The following L3MBTL4 variants were observed in gnomAD, a reference collection of about 807,000 sequenced individuals.
L3MBTL4 encodes L3MBTL histone methyl-lysine binding protein 4.
In L3MBTL4, 70 loss-of-function variants were observed where a neutral mutation model predicts 84.5. The ratio of observed to expected loss-of-function variants is 0.83; its 90% CI spans 0.68 to 1.01. The LOEUF is 1.01. Among genes scored for constraint, L3MBTL4 ranks in the 50% least tolerant of loss-of-function variants. The probability of loss-of-function intolerance (pLI) is 0.00; values close to 1 mark genes in which losing one functional copy is unlikely to be tolerated. For missense variants in L3MBTL4, 715 were observed against 754.8 expected, an observed-to-expected ratio of 0.95 and a Z score of 0.62; for synonymous variants, 274 against 259.8, an observed-to-expected ratio of 1.05 and a Z score of -0.52.
intron 4 of L3MBTL4, among the ~76,000 whole-genome samples, chr18:6,275,898 G>A (rs1165590085): frequency 6.6e-6 from 1 of 152,148 alleles, no homozygotes; most frequent in Non-Finnish European, 1.5e-5. Flanking sequence ...GGTCAAGCTG[G>A]GAACTGCTTA....
intron 13 of L3MBTL4, among the ~76,000 whole-genome samples, chr18:6,164,385 A>T (rs534732255): frequency 6.6e-6 from 1 of 152,312 alleles, no homozygotes; most frequent in South Asian, 2.1e-4. Flanking sequence ...CTGCATCCTC[A>T]AGTGGGTCCC....
rs148122966 is a variant in L3MBTL4 at position 6,057,412 on chromosome 18, G to A, written c.1444+23469C>T. 5.7e-4 allele frequency among the ~76,000 whole-genome samples: 87 copies of A among 152,212 alleles called. No homozygotes were observed. The East Asian group carries it at 0.014, about 24-fold the overall frequency. On this transcript the variant is annotated intron_variant, in intron 16 of 18. Transcript: ENST00000317931. ...AATCTATCACCACTGGGGAAAATTG[G>A]TTTTTATTTTTTAATTATCTCTTTC...
At chr18:6,257,350 A>G (rs2048187606) in intron 5 of L3MBTL4, among the ~76,000 whole-genome samples, 1 of 152,086 alleles carries the variant, frequency 6.6e-6, no homozygotes, top group Admixed American at 6.6e-5. Context: ...CGAGAGACAA[A>G]ATACACCCAC....
At chr18:6,159,147 T>C (rs1211810957) in intron 13 of L3MBTL4, among the ~76,000 whole-genome samples, 1 of 152,194 alleles carries the variant, frequency 6.6e-6, no homozygotes, top group East Asian at 1.9e-4. Context: ...TCATGCAGCA[T>C]TGCTGATGCT....
chr18:6,324,391 A>T (rs146643944), intron 1 of L3MBTL4, among the ~76,000 whole-genome samples: 20 of 152,328 alleles, frequency 1.3e-4, no homozygotes, highest in African/African-American at 4.8e-4. Flanking sequence ...AGCTTGCACG[A>T]TGCTCCTGGA....
chr18:5,996,809 A>G (rs571696727), intron 16 of L3MBTL4, among the ~76,000 whole-genome samples: 1 of 152,336 alleles, frequency 6.6e-6, no homozygotes, highest in African/African-American at 2.4e-5. Context: ...TATAAGGGGC[A>G]GGACTTAAGC....
chr18:6,017,934 A>T (rs945316175), intron 16 of L3MBTL4: 8 of 152,160 alleles, frequency 5.3e-5, no homozygotes, highest in African/African-American at 1.7e-4. Context: ...ATTGTCTTGG[A>T]GTTGACTGGA....
intron 1 of L3MBTL4, among the ~76,000 whole-genome samples, chr18:6,411,775 C>A (rs2144760184): frequency 6.6e-6 from 1 of 152,290 alleles, no homozygotes; most frequent in East Asian, 1.9e-4. Flanking sequence ...TGGCTTTCCC[C>A]CGATCCAACA....
At chr18:6,023,560 C>T (rs189933263) in intron 16 of L3MBTL4, among the ~76,000 whole-genome samples, 2 of 152,232 alleles carry the variant, frequency 1.3e-5, no homozygotes, top group African/African-American at 4.8e-5. Flanking sequence ...CAAGCATTTA[C>T]CAAGTACCCC....
chr18:6,026,226 A>T (rs960354814), intron 16 of L3MBTL4, among the ~76,000 whole-genome samples: 1 of 152,338 alleles, frequency 6.6e-6, no homozygotes, highest in Non-Finnish European at 1.5e-5. Flanking sequence ...CTAGATTAGA[A>T]GAAAGGAAAA....
intron 16 of L3MBTL4, among the ~76,000 whole-genome samples, chr18:5,993,284 T>C (rs973588868): frequency 8.5e-5 from 13 of 152,202 alleles, no homozygotes; most frequent in African/African-American, 3.1e-4. Context: ...AATAACCCTT[T>C]CTTCCCAAAT....
chr18:6,157,632 C>T (rs1273770507), intron 13 of L3MBTL4, among the ~76,000 whole-genome samples: 1 of 151,878 alleles, frequency 6.6e-6, no homozygotes, highest in African/African-American at 2.4e-5. Flanking sequence ...TGAACTATAC[C>T]TTTTATCAAG....
intron 15 of L3MBTL4, among the ~76,000 whole-genome samples, chr18:6,092,584 A>G (rs2058496821): frequency 6.6e-6 from 1 of 152,132 alleles, no homozygotes; most frequent in African/African-American, 2.4e-5. Flanking sequence ...TCAGGAAAAC[A>G]CCCATTTCTC....
At chr18:5,961,856 T>G (rs1033231356) in intron 17 of L3MBTL4, among the ~76,000 whole-genome samples, 4 of 152,200 alleles carry the variant, frequency 2.6e-5, no homozygotes, top group African/African-American at 9.6e-5. Flanking sequence ...AGCTGTGGAA[T>G]GCCGCTGGTC....
chr18:6,054,419 C>T (rs2056942124), intron 16 of L3MBTL4, among the ~76,000 whole-genome samples: 1 of 152,126 alleles, frequency 6.6e-6, no homozygotes, highest in Non-Finnish European at 1.5e-5. Flanking sequence ...TTTCCTCTCT[C>T]TGTGAGAATA....
intron 13 of L3MBTL4, among the ~76,000 whole-genome samples, chr18:6,150,711 T>C (rs910570357): frequency 6.6e-6 from 1 of 152,188 alleles, no homozygotes; most frequent in African/African-American, 2.4e-5. Context: ...TTGTCCAGAC[T>C]GTAGAACTGA....
rs2052711871 is a variant in L3MBTL4 at position 5,972,884 on chromosome 18, GAAC to G, written c.1445-3325_1445-3323del. ...GTATAGAATAGAATAGAATAGAATA[GAAC>G]AGAAGAGAATAGAATAGAATAGAAT... On this transcript the variant is annotated intron_variant, in intron 16 of 18. Transcript: ENST00000317931. Among the ~76,000 whole-genome samples the G allele has an allele frequency of 2.8e-5, 3 of 107,354 alleles. 1 individual carries two copies. Among genetic ancestry groups the G allele is most frequent in the African/African-American group, 1.4e-4 (3 of 21,724 alleles). The allele number at this position is 107,354 out of a possible 152,430, so 70.4% of individuals were successfully genotyped here. A position where few individuals can be genotyped will look rare whatever the true frequency, so the allele number is the denominator to read the frequency against.
chr18:6,080,833 G>T lies in L3MBTL4; in HGVS notation c.1444+48C>A, dbSNP rs761322059. 6 of 1,332,328 alleles carry T rather than the reference G, an allele frequency of 4.5e-6. No homozygotes were observed. The East Asian group carries it at 1.4e-4, about 31-fold the overall frequency. 82.5% of individuals were successfully genotyped at this position (1,332,328 alleles called of 1,614,324 possible). A position where few individuals can be genotyped will look rare whatever the true frequency, so the allele number is the denominator to read the frequency against. On this transcript the variant is annotated intron_variant, in intron 16 of 18. Transcript: ENST00000317931. ...AACAGTCAAACAAATAAGACATTCT[G>T]CACAACAAAAAGTATATTCTGTGTT...
At chr18:6,370,906 T>A (rs1257907808) in intron 1 of L3MBTL4, among the ~76,000 whole-genome samples, 2 of 152,074 alleles carry the variant, frequency 1.3e-5, no homozygotes, top group Non-Finnish European at 2.9e-5. Flanking sequence ...AACCAGCGCT[T>A]ATCTTTCCTC....
Sources: allele counts gnomAD v4.1 joint callset (sites outside exome capture counted in the v4.1 genomes callset), GRCh38; gene constraint gnomAD v4.1.1; transcripts MANE v1.5; gene names NCBI Gene and HGNC (gene_info 2026-07-23, HGNC 2026-07-21).